HMBOX1: variants seen among roughly 807,000 people sequenced by gnomAD.
HMBOX1 encodes homeobox containing 1, also known as homeobox-containing protein 1.
HMBOX1 carries 14 observed loss-of-function variants against 54.5 expected under a neutral mutation model. The observed-to-expected ratio is 0.26, with a 90% CI of 0.17 to 0.40. The LOEUF (loss-of-function observed/expected upper bound fraction) is 0.40. Among genes scored for constraint, HMBOX1 ranks in the 10% least tolerant of loss-of-function variants. HMBOX1 has a pLI of 1.00. For missense variants in HMBOX1, 332 were observed against 514.4 expected (o/e 0.65, Z 3.43); for synonymous variants, 160 against 181.0 (o/e 0.88, Z 0.93).
At chr8:29,006,459 A>G (rs1833470632) in intron 4 of HMBOX1, among the ~76,000 whole-genome samples, 1 of 152,110 alleles carries the variant, frequency 6.6e-6, no homozygotes, top group South Asian at 2.1e-4. Flanking sequence ...GAGTATATGT[A>G]TGTTCAGCTC....
At chr8:28,929,314 T>C (rs780848908) in intron 1 of HMBOX1, among the ~76,000 whole-genome samples, 3 of 152,126 alleles carry the variant, frequency 2.0e-5, no homozygotes, top group Non-Finnish European at 4.4e-5. Context: ...AAGGGTATGT[T>C]TGGAAAATCT....
chr8:28,980,681 C>T (rs902909117), intron 4 of HMBOX1, among the ~76,000 whole-genome samples: 39 of 152,246 alleles, frequency 2.6e-4, no homozygotes, highest in Admixed American at 5.2e-4. Context: ...ACCTAAGCCC[C>T]ATCCCTAGTA....
intron 6 of HMBOX1, among the ~76,000 whole-genome samples, chr8:29,043,085 C>T (rs969539167): frequency 2.6e-5 from 4 of 152,208 alleles, no homozygotes; most frequent in South Asian, 2.1e-4. Context: ...TAAGGCACCC[C>T]GTTTATTTCA....
intron 1 of HMBOX1, among the ~76,000 whole-genome samples, chr8:28,955,383 G>T (rs577481534): frequency 6.6e-6 from 1 of 152,174 alleles, no homozygotes; most frequent in South Asian, 2.1e-4. Context: ...TGTACATAGA[G>T]ATGTGCATAT....
At chr8:28,907,059 T>C (rs1343143675) in intron 1 of HMBOX1, among the ~76,000 whole-genome samples, 2 of 152,218 alleles carry the variant, frequency 1.3e-5, no homozygotes, top group Non-Finnish European at 2.9e-5. Context: ...TAAATGGCTT[T>C]ATGGCAGGAA....
intron 1 of HMBOX1, among the ~76,000 whole-genome samples, chr8:28,941,688 C>T (rs1157509799): frequency 1.3e-5 from 2 of 152,122 alleles, no homozygotes; most frequent in Non-Finnish European, 2.9e-5. Context: ...TTCTGTTCTA[C>T]TTCCTGTTCA....
intron 1 of HMBOX1, among the ~76,000 whole-genome samples, chr8:28,907,721 C>T (rs1814604596): frequency 6.6e-6 from 1 of 152,186 alleles, no homozygotes; most frequent in Admixed American, 6.5e-5. Context: ...TTATAAAGCA[C>T]CTCTCCTAGA....
At chr8:28,926,518 T>C (rs1312037505) in intron 1 of HMBOX1, among the ~76,000 whole-genome samples, 1 of 152,196 alleles carries the variant, frequency 6.6e-6, no homozygotes, top group Non-Finnish European at 1.5e-5. Context: ...TAATCTGTAA[T>C]TGACTGGAGT....
intron 3 of HMBOX1, among the ~76,000 whole-genome samples, chr8:28,978,786 CAAAAA>C (rs36075812): frequency 2.1e-5 from 2 of 95,842 alleles, no homozygotes; most frequent in African/African-American, 4.5e-5. Context: ...GACTCCGTCT[CAAAAA>C]AAAAAAAAAA....
At position 28,980,236 on chromosome 8, in the gene HMBOX1, T is replaced by G. The variant is rs1372385732; in HGVS notation, c.586+80T>G. The G allele has an allele frequency of 3.8e-6, 4 of 1,043,424 alleles. No individual in the cohort carries two copies. In the East Asian group the frequency reaches 9.5e-5, roughly 25 times the overall value. 64.6% of individuals were successfully genotyped at this position (1,043,424 alleles called of 1,614,324 possible). ...TGCAGATGTTGGAATATTGCTTGCATTTCTGCATTGCAGTGCAGATCTGTC... is the reference window on the plus strand; with the variant it reads ...TGCAGATGTTGGAATATTGCTTGCAGTTCTGCATTGCAGTGCAGATCTGTC... On this transcript the variant is annotated intron_variant, in intron 4 of 9. Transcript: ENST00000287701.
rs528337845 is a variant in HMBOX1 at position 29,049,607 on chromosome 8, A to G, written c.1125+559A>G. 7.4e-6 allele frequency: 4 copies of G among 539,740 alleles called. No homozygotes were observed. In the South Asian group the frequency reaches 1.3e-4, roughly 18 times the overall value. The allele number at this position is 539,740 out of a possible 1,614,324, so 33.4% of individuals were successfully genotyped here. A position where few individuals can be genotyped will look rare whatever the true frequency, so the allele number is the denominator to read the frequency against. On this transcript the variant is annotated intron_variant, in intron 9 of 9. Coordinates refer to ENST00000287701, the MANE Select transcript of HMBOX1 (RefSeq NM_001135726.3). ...ATCCTCTCATAAGTGCAATACCTGC[A>G]TGACTCTTCACCTCGCCCTGATTTA...
intron 4 of HMBOX1, among the ~76,000 whole-genome samples, chr8:29,003,555 A>ATATATATATATATATATATATATAT (rs1832971970): frequency 5.6e-5 from 4 of 71,312 alleles, no homozygotes; most frequent in East Asian, 6.4e-4. Flanking sequence ...TTCTGTATTA[A>ATATATATATATATATATATATATAT]ATATATATAT....
intron 1 of HMBOX1, chr8:28,891,108 G>C (rs1810822489): frequency 6.5e-6 from 1 of 152,964 alleles, no homozygotes; most frequent in Admixed American, 6.5e-5. Context: ...GGTGTCTGTA[G>C]ATGGGAAGTT....
intron 1 of HMBOX1, chr8:28,949,918 G>T (rs891654014): frequency 3.3e-5 from 5 of 152,190 alleles, no homozygotes; most frequent in African/African-American, 1.2e-4. Flanking sequence ...GACCTGATTG[G>T]CTGGGGCAAG....
chr8:29,024,492 T>C (rs1009244179), intron 6 of HMBOX1, among the ~76,000 whole-genome samples: 2 of 152,106 alleles, frequency 1.3e-5, no homozygotes, highest in Non-Finnish European at 2.9e-5. Flanking sequence ...GTGTGGATAA[T>C]GGACAAGAAA....
intron 4 of HMBOX1, among the ~76,000 whole-genome samples, chr8:28,982,980 T>G (rs1455348977): frequency 6.6e-6 from 1 of 151,948 alleles, no homozygotes; most frequent in Non-Finnish European, 1.5e-5. Flanking sequence ...CTGGTCTTGA[T>G]CTCCTGGGAT....
chr8:28,970,526 G>A lies in HMBOX1; in HGVS notation c.500+7G>A, dbSNP rs945575268. The A allele has an allele frequency of 6.5e-7, 1 of 1,543,630 alleles. No homozygotes were observed. The highest frequency in any genetic ancestry group is 1.4e-5 in the African/African-American group (1 of 73,226). ...AAGTGGAAGAATTAATGAGGTTAGT[G>A]ACTTTGCTTATTCAGAGTCCCTAAA... On this transcript the variant is annotated splice_region_variant and intron_variant, in intron 3 of 9. Coordinates refer to ENST00000287701, the MANE Select transcript of HMBOX1 (RefSeq NM_001135726.3). The surrounding 1 kb of genome is among the most constrained non-coding windows in gnomAD (Gnocchi z 4.3).
At chr8:28,890,973 G>T (rs940881948) in intron 1 of HMBOX1, 1 of 152,592 alleles carries the variant, frequency 6.6e-6, no homozygotes, top group Non-Finnish European at 1.5e-5. Flanking sequence ...AATCCTGGAG[G>T]TGGGGTCTCC....
At position 28,890,601 on chromosome 8, in the gene HMBOX1, T is replaced by C. The variant is rs1810691748; in HGVS notation, c.-135T>C. On this transcript the variant is annotated 5_prime_UTR_variant, in exon 1 of 10. Coordinates refer to ENST00000287701, the MANE Select transcript of HMBOX1 (RefSeq NM_001135726.3). ...CCCCTCCCCCTCCCGCCTTCCCTCC[T>C]CCCTATCTCAGCCCTTCGTACTGGG... is the stretch of plus-strand genomic sequence containing the variant. 6.5e-6 allele frequency: 1 copy of C among 152,830 alleles called. No homozygotes were observed. Among genetic ancestry groups the C allele is most frequent in the East Asian group, 1.9e-4 (1 of 5,166 alleles). 9.5% of individuals were successfully genotyped at this position (152,830 alleles called of 1,614,324 possible). A position where few individuals can be genotyped will look rare whatever the true frequency, so the allele number is the denominator to read the frequency against.
Sources: allele counts gnomAD v4.1 joint callset (sites outside exome capture counted in the v4.1 genomes callset), GRCh38; gene constraint gnomAD v4.1.1; non-coding constraint Gnocchi (gnomAD v3.1); transcripts MANE v1.5; gene names NCBI Gene and HGNC (gene_info 2026-07-23, HGNC 2026-07-21).